Variants in EYA2 observed in about 807,000 individuals in gnomAD.
The protein encoded by EYA2 is EYA transcriptional coactivator and phosphatase 2, also known as protein phosphatase EYA2.
EYA2 carries 31 observed loss-of-function variants against 69.2 expected under a neutral mutation model. That is an observed-to-expected ratio of 0.45 (90% CI 0.34 to 0.60). The LOEUF is 0.60. Among genes scored for constraint, EYA2 ranks in the 20% least tolerant of loss-of-function variants. The pLI, the probability that EYA2 is intolerant of heterozygous loss-of-function variation, is 0.02. For synonymous variants in EYA2, 257 were observed against 279.4 expected, an observed-to-expected ratio of 0.92 and a Z score of 0.80; for missense variants, 622 against 701.2, an observed-to-expected ratio of 0.89 and a Z score of 1.28.
intron 9 of EYA2, among the ~76,000 whole-genome samples, chr20:47,101,674 G>A (rs2146526061): frequency 6.6e-6 from 1 of 152,300 alleles, no homozygotes; most frequent in South Asian, 2.1e-4. Context: ...CATAAAATTA[G>A]TTATGTTTGA....
At chr20:46,993,190 C>T (rs1042941705) in intron 2 of EYA2, among the ~76,000 whole-genome samples, 28 of 152,202 alleles carry the variant, frequency 1.8e-4, no homozygotes, top group African/African-American at 6.5e-4. Flanking sequence ...CCACCGACCT[C>T]ACAGACTCAA....
chr20:47,172,871 A>G lies in EYA2; in HGVS notation c.1198+4A>G, dbSNP rs778564569. ...ACCTACAAGAACAACGTTGGTGGTG[A>G]GTACTGTGAGCCTTGGGCCTCCGAG... On this transcript the variant is annotated splice_donor_region_variant and intron_variant, in intron 12 of 15. Coordinates refer to ENST00000327619, the MANE Select transcript of EYA2 (RefSeq NM_005244.5). 1.2e-6 allele frequency: 2 copies of G among 1,605,946 alleles called. No individual in the cohort carries two copies. The highest frequency in any genetic ancestry group is 2.2e-5 in the East Asian group (1 of 44,762).
At chr20:46,909,269 C>T (rs999607801) in intron 1 of EYA2, among the ~76,000 whole-genome samples, 1 of 152,046 alleles carries the variant, frequency 6.6e-6, no homozygotes, top group African/African-American at 2.4e-5. Flanking sequence ...GTGATAGTTT[C>T]CAATGGCTAC....
chr20:47,029,565 A>G (rs901791450), intron 5 of EYA2, among the ~76,000 whole-genome samples: 5 of 152,170 alleles, frequency 3.3e-5, no homozygotes, highest in South Asian at 2.1e-4. Flanking sequence ...CCCTTCCTCT[A>G]TAAGTAGCAC....
chr20:47,155,265 A>G (rs2033900594), intron 10 of EYA2, among the ~76,000 whole-genome samples: 1 of 152,086 alleles, frequency 6.6e-6, no homozygotes, highest in African/African-American at 2.4e-5. Flanking sequence ...GCAACAAGCA[A>G]CCACATGAAC....
At chr20:46,995,955 G>GAA (rs1331539347) in intron 2 of EYA2, among the ~76,000 whole-genome samples, 6 of 152,342 alleles carry the variant, frequency 3.9e-5, no homozygotes, top group Non-Finnish European at 5.9e-5. Flanking sequence ...GACTCAGAGG[G>GAA]AAGAGGTGAA....
intron 1 of EYA2, among the ~76,000 whole-genome samples, chr20:46,974,882 G>T (rs1286547807): frequency 6.6e-6 from 1 of 152,170 alleles, no homozygotes; most frequent in African/African-American, 2.4e-5. Flanking sequence ...TGCACGTTGG[G>T]TGCCTTTTTG....
chr20:47,142,268 G>A (rs1305603350), intron 9 of EYA2, among the ~76,000 whole-genome samples: 1 of 152,250 alleles, frequency 6.6e-6, no homozygotes, highest in East Asian at 1.9e-4. Flanking sequence ...TCCTTTTGCA[G>A]GGAGAAGCAC....
chr20:47,173,461 C>G (rs117925299), intron 12 of EYA2, among the ~76,000 whole-genome samples: 5,886 of 129,534 alleles, frequency 0.045, 155 homozygotes, highest in Non-Finnish European at 0.066. Flanking sequence ...TGCAGTGACC[C>G]AAGATTACAC....
intron 2 of EYA2, among the ~76,000 whole-genome samples, chr20:46,990,390 G>A (rs954107288): frequency 2.6e-5 from 4 of 152,196 alleles, no homozygotes; most frequent in Non-Finnish European, 5.9e-5. Context: ...CACCACGGAT[G>A]ATAGTCACTT....
In EYA2 at chr20:46,987,916, G is replaced by GACACTCTCTCTC. The variant is rs56288405; in HGVS notation, c.-10-2085_-10-2084insACACTCTCTCTC. 3.9e-4 allele frequency among the ~76,000 whole-genome samples: 8 copies of GACACTCTCTCTC among 20,376 alleles called. 2 individuals carry two copies. In the East Asian group the frequency reaches 0.01, roughly 26 times the overall value. The allele number at this position is 20,376 out of a possible 152,430, so 13.4% of individuals were successfully genotyped here. ...TACTCCAGCCTGGAAGACAGAGTAA[G>GACACTCTCTCTC]TCTCTCTCTCTCTCTCTCTCTCTCT... On this transcript the variant is annotated intron_variant, in intron 1 of 15. Coordinates refer to ENST00000327619, the MANE Select transcript of EYA2 (RefSeq NM_005244.5).
rs571055240 is a variant in EYA2, at chr20:47,052,747, A to G, written c.416-19438A>G. On this transcript the variant is annotated intron_variant, in intron 5 of 15. Coordinates refer to ENST00000327619, the MANE Select transcript of EYA2 (RefSeq NM_005244.5). ...AGCAATCCTCCTGCCTCAGCCCCCA[A>G]GTAGCTGGGACTGTCACCATACACG... is the stretch of plus-strand genomic sequence containing the variant. Among the ~76,000 whole-genome samples the G allele has an allele frequency of 3.9e-5, 6 of 152,146 alleles. No individual in the cohort carries two copies. The East Asian group carries it at 5.8e-4, about 15-fold the overall frequency.
chr20:47,048,603 G>A (rs1483636709), intron 5 of EYA2, among the ~76,000 whole-genome samples: 2 of 152,202 alleles, frequency 1.3e-5, no homozygotes, highest in East Asian at 3.8e-4. Flanking sequence ...GGGCGTGGTG[G>A]CATGCACCTT....
intron 4 of EYA2, among the ~76,000 whole-genome samples, chr20:47,009,932 A>C (rs923166793): frequency 6.6e-6 from 1 of 152,168 alleles, no homozygotes; most frequent in African/African-American, 2.4e-5. Flanking sequence ...TTTCCACCCA[A>C]CATTGTGTCT....
chr20:47,165,033 G>A (rs576989124), intron 10 of EYA2, among the ~76,000 whole-genome samples: 12 of 152,262 alleles, frequency 7.9e-5, no homozygotes, highest in Admixed American at 3.3e-4. Flanking sequence ...TATCTGCAGC[G>A]TTCACTGCAA....
Position 46,900,359 on chromosome 20 carries a change from T to C in EYA2, c.-11+5372T>C, listed in dbSNP as rs372359174. Among the ~76,000 whole-genome samples the C allele has an allele frequency of 1.5e-4, 23 of 152,344 alleles. No homozygotes were observed. The East Asian group carries it at 3.3e-3, about 22-fold the overall frequency. ...TTCTTTTCTATTCATCTCCCAAGAA[T>C]GGCCTTTCATAACTGAAATACACGT... is the stretch of plus-strand genomic sequence containing the variant. On this transcript the variant is annotated intron_variant, in intron 1 of 15. Coordinates refer to ENST00000327619, the MANE Select transcript of EYA2 (RefSeq NM_005244.5).
chr20:46,910,166 T>G (rs1414472404), intron 1 of EYA2, among the ~76,000 whole-genome samples: 2 of 152,156 alleles, frequency 1.3e-5, no homozygotes, highest in Non-Finnish European at 2.9e-5. Flanking sequence ...TTCCACAGGC[T>G]GTACAGGAAG....
rs1306814798 is a variant in EYA2 at position 46,927,368 on chromosome 20, AC to A, written c.-11+32382del. 3.3e-5 allele frequency among the ~76,000 whole-genome samples: 5 copies of A among 152,306 alleles called. No individual in the cohort carries two copies. In the Middle Eastern group the frequency reaches 0.01, roughly 311 times the overall value. ...GAGGAAGTAGTGTGGTGCAGTGGTTACGTGTTGCAGTTTCAGAGCTGAGTTC... is the reference window on the plus strand; with the variant it reads ...GAGGAAGTAGTGTGGTGCAGTGGTTAGTGTTGCAGTTTCAGAGCTGAGTTC... On this transcript the variant is annotated intron_variant, in intron 1 of 15. Coordinates refer to ENST00000327619, the MANE Select transcript of EYA2 (RefSeq NM_005244.5).
At chr20:47,062,825 G>A (rs2146456219) in intron 5 of EYA2, among the ~76,000 whole-genome samples, 1 of 152,268 alleles carries the variant, frequency 6.6e-6, no homozygotes, top group East Asian at 1.9e-4. Flanking sequence ...GGTGCCAAAG[G>A]GAGAGGGATT....
Sources: gnomAD v4.1 joint callset for allele counts (sites outside exome capture counted in the v4.1 genomes callset) on GRCh38, gnomAD v4.1.1 for gene constraint, MANE v1.5 for transcripts, NCBI Gene and HGNC (gene_info 2026-07-23, HGNC 2026-07-21) for gene names.